Variants in GABRB1 observed in about 807,000 individuals in gnomAD.
GABRB1 encodes the protein gamma-aminobutyric acid type A receptor subunit beta1, also known as gamma-aminobutyric acid receptor subunit beta-1.
Under a neutral mutation model 51.6 loss-of-function variants are expected in GABRB1, and 17 were observed. That is an observed-to-expected ratio of 0.33 (90% confidence interval 0.23 to 0.49). The LOEUF is 0.49. GABRB1 is among the 20% of genes least tolerant of loss of function. The pLI, the probability that GABRB1 is intolerant of heterozygous loss-of-function variation, is 0.99. For missense variants in GABRB1, 410 were observed against 600.6 expected (o/e 0.68, Z 3.32); for synonymous variants, 247 against 218.9 (o/e 1.13, Z -1.14).
intron 4 of GABRB1, among the ~76,000 whole-genome samples, chr4:47,179,757 C>T (rs1241574064): frequency 6.6e-6 from 1 of 152,054 alleles, no homozygotes; most frequent in African/African-American, 2.4e-5. Context: ...CCTTCCTCTC[C>T]TGACCTTCAG....
chr4:47,399,071 T>G (rs1728291487), intron 5 of GABRB1, among the ~76,000 whole-genome samples: 1 of 152,256 alleles, frequency 6.6e-6, no homozygotes. Context: ...ATTACAGGCG[T>G]GAGCCACGGC....
chr4:47,031,390 C>T (rs530055075), upstream of GABRB1: 160 of 521,910 alleles, frequency 3.1e-4, 1 homozygote, highest in Non-Finnish European at 5.2e-4. Context: ...TTTACACATG[C>T]TCGTAGGATC....
At chr4:47,422,531 T>G (rs1249728745) in intron 8 of GABRB1, among the ~76,000 whole-genome samples, 1 of 152,152 alleles carries the variant, frequency 6.6e-6, no homozygotes, top group Non-Finnish European at 1.5e-5. Context: ...CCCTGTTCTC[T>G]CTGAAACACT....
intron 4 of GABRB1, among the ~76,000 whole-genome samples, chr4:47,262,774 G>T (rs1282969558): frequency 2.0e-5 from 3 of 152,066 alleles, no homozygotes; most frequent in African/African-American, 7.2e-5. Flanking sequence ...ATTCACAATA[G>T]CAAAGACTTG....
chr4:47,130,872 T>C (rs1005740815), intron 3 of GABRB1, among the ~76,000 whole-genome samples: 4 of 152,184 alleles, frequency 2.6e-5, no homozygotes, highest in African/African-American at 9.7e-5. Flanking sequence ...GATTAAGTGC[T>C]ATATCAAGAA....
At chr4:46,998,732 TAAAAAAAAA>T (rs1031492003) in intron 1 of GABRB1, among the ~76,000 whole-genome samples, 1 of 66,432 alleles carries the variant, frequency 1.5e-5, no homozygotes, top group Non-Finnish European at 2.9e-5. Context: ...AGACTCTGTC[TAAAAAAAAA>T]AAAAAAAAAA....
At position 47,047,821 on chromosome 4, in the gene GABRB1, A is replaced by G. The variant is rs557704915; in HGVS notation, c.240+15337A>G. ...AGTGTTATTAATCAGAAACAGGAAG[A>G]GATAATGGATTTGTCCTCCCTCTGA... On this transcript the variant is annotated intron_variant, in intron 3 of 8. Transcript: ENST00000295454. 5.3e-5 allele frequency among the ~76,000 whole-genome samples: 8 copies of G among 152,270 alleles called. No individual in the cohort carries two copies. In the South Asian group the frequency reaches 1.0e-3, roughly 20 times the overall value.
At chr4:47,032,513 T>C (rs1725366261) in intron 3 of GABRB1, 29 bp downstream of exon 3, 1 of 1,606,760 alleles carries the variant, frequency 6.2e-7, no homozygotes, top group South Asian at 1.1e-5. Flanking sequence ...GGCCCGGCGG[T>C]TCGGCTTACG....
intron 1 of GABRB1, among the ~76,000 whole-genome samples, chr4:47,001,367 C>A (rs1205961088): frequency 6.6e-6 from 1 of 152,248 alleles, no homozygotes; most frequent in African/African-American, 2.4e-5. Context: ...TGGTCTGAAT[C>A]TCCTGACCTC....
chr4:47,373,428 G>C (rs1019562786), intron 5 of GABRB1, among the ~76,000 whole-genome samples: 1 of 152,154 alleles, frequency 6.6e-6, no homozygotes, highest in Non-Finnish European at 1.5e-5. Context: ...GACAAAACAT[G>C]AGTTTCACTG....
At chr4:47,375,903 AG>A (rs1727358946) in intron 5 of GABRB1, among the ~76,000 whole-genome samples, 1 of 152,224 alleles carries the variant, frequency 6.6e-6, no homozygotes, top group South Asian at 2.1e-4. Flanking sequence ...AGCTGGGAGC[AG>A]GAGGGTACCA....
intron 4 of GABRB1, 118 bp from the exon 5 acceptor site, chr4:47,320,009 A>G (rs1487655325): frequency 2.7e-6 from 2 of 730,914 alleles, no homozygotes; most frequent in Non-Finnish European, 4.9e-6. Context: ...TTAAAATCTC[A>G]CAAAATTTTG....
chr4:47,305,815 C>A (rs1464619108), intron 4 of GABRB1, among the ~76,000 whole-genome samples: 1 of 152,126 alleles, frequency 6.6e-6, no homozygotes, highest in Non-Finnish European at 1.5e-5. Flanking sequence ...CTTTACCTTT[C>A]CTGTTGTAAC....
chr4:47,073,869 T>C (rs1727443105), intron 3 of GABRB1, among the ~76,000 whole-genome samples: 1 of 152,008 alleles, frequency 6.6e-6, no homozygotes, highest in African/African-American at 2.4e-5. Flanking sequence ...TGATATGAGG[T>C]GAGCAAGCAG....
intron 4 of GABRB1, among the ~76,000 whole-genome samples, chr4:47,228,215 C>G (rs1161270250): frequency 2.6e-5 from 4 of 152,110 alleles, no homozygotes; most frequent in African/African-American, 7.2e-5. Context: ...ATCTCAATAT[C>G]ATAGTATGAG....
intron 4 of GABRB1, among the ~76,000 whole-genome samples, chr4:47,304,547 G>A (rs1724378236): frequency 6.6e-6 from 1 of 151,946 alleles, no homozygotes; most frequent in African/African-American, 2.4e-5. Flanking sequence ...CTTGTCAGAT[G>A]TTTGGTTTGC....
chr4:47,130,471 T>C (rs1260939129), intron 3 of GABRB1, among the ~76,000 whole-genome samples: 2 of 152,072 alleles, frequency 1.3e-5, no homozygotes, highest in Non-Finnish European at 2.9e-5. Context: ...TTTGCACAAG[T>C]TGTCCTTTCA....
chr4:47,411,074 C>G (rs1202285411), intron 8 of GABRB1, among the ~76,000 whole-genome samples: 1 of 152,050 alleles, frequency 6.6e-6, no homozygotes, highest in Non-Finnish European at 1.5e-5. Flanking sequence ...TAAAAAATTA[C>G]TAGACATAAG....
At chr4:47,247,271 A>G (rs1721800721) in intron 4 of GABRB1, among the ~76,000 whole-genome samples, 1 of 152,058 alleles carries the variant, frequency 6.6e-6, no homozygotes, top group Non-Finnish European at 1.5e-5. Flanking sequence ...TTTGTTGAAA[A>G]GGGTGTCTTT....
Sources: gnomAD v4.1 joint callset for allele counts (sites outside exome capture counted in the v4.1 genomes callset) on GRCh38, gnomAD v4.1.1 for gene constraint, MANE v1.5 for transcripts, NCBI Gene and HGNC (gene_info 2026-07-23, HGNC 2026-07-21) for gene names.